RSRC1: variants seen among roughly 807,000 people sequenced by gnomAD.
The protein encoded by RSRC1 is arginine and serine rich coiled-coil 1, also known as serine/Arginine-related protein 53.
In RSRC1, 39 loss-of-function variants were observed where a neutral mutation model predicts 49.1. That is an observed-to-expected ratio of 0.79 (90% CI 0.61 to 1.04). RSRC1 has a LOEUF of 1.04. Among genes scored for constraint, RSRC1 ranks in the 50% least tolerant of loss-of-function variants. The pLI is 0.00. For missense variants in RSRC1, 388 were observed against 402.4 expected, an observed-to-expected ratio of 0.96 and a Z score of 0.31; for synonymous variants, 143 against 130.8, an observed-to-expected ratio of 1.09 and a Z score of -0.63.
chr3:158,207,637 T>TTAGATAGATAGATAGATAGATAGATAGA lies in RSRC1; in HGVS notation c.494+4393_494+4420dup, dbSNP rs1553769118. 2.8e-3 allele frequency among the ~76,000 whole-genome samples: 405 copies of TTAGATAGATAGATAGATAGATAGATAGA among 147,116 alleles called. 2 individuals are homozygous for TTAGATAGATAGATAGATAGATAGATAGA. The highest frequency in any genetic ancestry group is 3.5e-3 in the Non-Finnish European group (235 of 66,406). On this transcript the variant is annotated intron_variant, in intron 4 of 9. Coordinates refer to ENST00000611884, the MANE Select transcript of RSRC1 (RefSeq NM_001271838.2). ...AACCTATGTGCAAAAGTAACAGTAT[T>TTAGATAGATAGATAGATAGATAGATAGA]TAGATAGATAGATAGATAGATAGAT...
At chr3:158,506,429 AAGG>A (rs1421502156) in intron 7 of RSRC1, among the ~76,000 whole-genome samples, 1 of 152,032 alleles carries the variant, frequency 6.6e-6, no homozygotes, top group Non-Finnish European at 1.5e-5. Flanking sequence ...TAAATTTAAA[AAGG>A]AGGGAGGTGG....
intron 4 of RSRC1, among the ~76,000 whole-genome samples, chr3:158,259,033 A>G (rs184486982): frequency 1.2e-4 from 18 of 152,262 alleles, no homozygotes; most frequent in Admixed American, 9.2e-4. Context: ...ATGTATGTCT[A>G]TCTTTCCAGG....
At chr3:158,200,754 C>T (rs1720998640) in intron 3 of RSRC1, among the ~76,000 whole-genome samples, 1 of 151,968 alleles carries the variant, frequency 6.6e-6, no homozygotes, top group Admixed American at 6.6e-5. Flanking sequence ...AATATAGGAA[C>T]CTTTTAACAG....
chr3:158,509,334 A>C (rs984542481), intron 7 of RSRC1, among the ~76,000 whole-genome samples: 1 of 152,228 alleles, frequency 6.6e-6, no homozygotes, highest in Non-Finnish European at 1.5e-5. Flanking sequence ...AAAGAATAAC[A>C]GTAATATAGA....
chr3:158,148,115 C>T (rs6787072), intron 3 of RSRC1, among the ~76,000 whole-genome samples: 96,022 of 151,954 alleles, frequency 0.63, 30,951 homozygotes, highest in African/African-American at 0.73. Context: ...TGTATACTTA[C>T]CTATTATCTG....
At chr3:158,150,733 T>C (rs1269445945) in intron 3 of RSRC1, among the ~76,000 whole-genome samples, 2 of 152,082 alleles carry the variant, frequency 1.3e-5, no homozygotes, top group East Asian at 3.9e-4. Flanking sequence ...ATCTGTGGAG[T>C]TTTGGAAATC....
intron 7 of RSRC1, among the ~76,000 whole-genome samples, chr3:158,517,069 C>T (rs1036874236): frequency 6.6e-6 from 1 of 152,228 alleles, no homozygotes; most frequent in African/African-American, 2.4e-5. Context: ...GCGTCGCTCA[C>T]GCTGGGAGCC....
intron 7 of RSRC1, among the ~76,000 whole-genome samples, chr3:158,525,571 G>T (rs1358355432): frequency 6.6e-6 from 1 of 151,844 alleles, no homozygotes; most frequent in South Asian, 2.1e-4. Flanking sequence ...CTATCCAAGA[G>T]AAATAAAAAC....
At chr3:158,188,642 A>G (rs1446749036) in intron 3 of RSRC1, among the ~76,000 whole-genome samples, 4 of 151,868 alleles carry the variant, frequency 2.6e-5, no homozygotes, top group East Asian at 1.9e-4. Context: ...CTGGTTGTTT[A>G]TGGTAGAAAG....
At chr3:158,424,138 G>A (rs941836515) in intron 6 of RSRC1, among the ~76,000 whole-genome samples, 1 of 152,040 alleles carries the variant, frequency 6.6e-6, no homozygotes, top group Non-Finnish European at 1.5e-5. Context: ...GGTGAGAGAG[G>A]GCATCCCTGT....
At chr3:158,136,927 C>A (rs1248339035) in intron 3 of RSRC1, 1 of 152,136 alleles carries the variant, frequency 6.6e-6, no homozygotes, top group East Asian at 1.9e-4. Context: ...AATTCAAGTT[C>A]TAAAAATCTG....
chr3:158,517,799 G>T (rs1328550572), intron 7 of RSRC1, among the ~76,000 whole-genome samples: 3 of 100,268 alleles, frequency 3.0e-5, no homozygotes, highest in East Asian at 3.6e-4. Context: ...TTTTTGTTGA[G>T]ACAGGGTCTG....
intron 7 of RSRC1, among the ~76,000 whole-genome samples, chr3:158,504,371 G>A (rs1191550042): frequency 1.3e-5 from 2 of 152,214 alleles, no homozygotes. Flanking sequence ...CCAGGTCGGA[G>A]CTGCAGTCTA....
At chr3:158,378,615 A>G (rs938824156) in intron 6 of RSRC1, among the ~76,000 whole-genome samples, 40 of 152,338 alleles carry the variant, frequency 2.6e-4, no homozygotes, top group African/African-American at 8.9e-4. Flanking sequence ...AACTGCAAGT[A>G]TGTCCTGAAC....
At chr3:158,155,598 C>CTTTTTTT (rs34972266) in intron 3 of RSRC1, among the ~76,000 whole-genome samples, 2 of 133,958 alleles carry the variant, frequency 1.5e-5, no homozygotes. Flanking sequence ...AGCCTAGCTA[C>CTTTTTTT]TTTTTTTTTT....
chr3:158,452,977 T>C (rs1737124261), intron 6 of RSRC1, among the ~76,000 whole-genome samples: 1 of 152,194 alleles, frequency 6.6e-6, no homozygotes, highest in Admixed American at 6.5e-5. Context: ...TTACGTACTT[T>C]GGTTTTTTTA....
chr3:158,544,285 A>G lies in RSRC1; in HGVS notation c.*10A>G. The G allele has an allele frequency of 6.6e-7, 1 of 1,515,028 alleles. No homozygotes were observed. Among genetic ancestry groups the G allele is most frequent in the Non-Finnish European group, 9.1e-7 (1 of 1,103,178 alleles). The allele number at this position is 1,515,028 out of a possible 1,614,324, so 93.8% of individuals were successfully genotyped here. On this transcript the variant is annotated 3_prime_UTR_variant, in exon 10 of 10. Transcript: ENST00000611884. ...CAGTCCTGTGGCCTAAGTAATATAC[A>G]TATAGTTGGATTGGATTGTCAGCAG...
chr3:158,482,062 AAAGTC>A (rs1272905080), intron 7 of RSRC1, among the ~76,000 whole-genome samples: 5 of 152,050 alleles, frequency 3.3e-5, no homozygotes, highest in Non-Finnish European at 7.4e-5. Context: ...GCAGTTTAAT[AAAGTC>A]ATTAAACTGA....
At chr3:158,328,118 A>G (rs1168171214) in intron 5 of RSRC1, among the ~76,000 whole-genome samples, 3 of 152,020 alleles carry the variant, frequency 2.0e-5, no homozygotes, top group Non-Finnish European at 4.4e-5. Context: ...TTTTGAGCCT[A>G]TGTGTGTCTC....
Sources: gnomAD v4.1 joint callset for allele counts (sites outside exome capture counted in the v4.1 genomes callset) on GRCh38, gnomAD v4.1.1 for gene constraint, MANE v1.5 for transcripts, NCBI Gene and HGNC (gene_info 2026-07-23, HGNC 2026-07-21) for gene names.